TPD52L1: variants seen among roughly 807,000 people sequenced by gnomAD.
TPD52L1 encodes tumor protein D53.
A neutral mutation model predicts 28.7 loss-of-function variants in TPD52L1; 18 were observed. The ratio of observed to expected loss-of-function variants is 0.63; its 90% CI spans 0.43 to 0.93. The LOEUF (loss-of-function observed/expected upper bound fraction) is 0.93, where lower values mean the gene tolerates loss of function less well. Ranked by LOEUF, TPD52L1 falls within the 40% of genes least tolerant of loss-of-function variation. The pLI is 0.00. For missense variants in TPD52L1, 203 were observed against 254.8 expected, an observed-to-expected ratio of 0.80 and a Z score of 1.39; for synonymous variants, 75 against 88.8, an observed-to-expected ratio of 0.84 and a Z score of 0.88.
chr6:125,260,946 AAG>A lies in TPD52L1; in HGVS notation c.487-1886_487-1885del, dbSNP rs1491536536. On this transcript the variant is annotated intron_variant, in intron 6 of 6. Transcript: ENST00000534000. ...GAAGAAAGAAAGAAAGAAAGAAAGA[AAG>A]AAAGAAAGAAAGAAAGAAAGAAAGA... The A allele has an allele frequency of 1.4e-3, 54 of 38,716 alleles. 2 individuals are homozygous for A. The East Asian group carries it at 0.034, about 24-fold the overall frequency. The allele number at this position is 38,716 out of a possible 1,614,324, so 2.4% of individuals were successfully genotyped here.
At chr6:125,167,866 A>C (rs1444195471) in intron 1 of TPD52L1, among the ~76,000 whole-genome samples, 4 of 152,108 alleles carry the variant, frequency 2.6e-5, no homozygotes, top group African/African-American at 2.4e-5. Context: ...AAAAAAAAAA[A>C]CAAAAAAATG....
chr6:125,212,086 T>C (rs1205655555), intron 1 of TPD52L1, among the ~76,000 whole-genome samples: 1 of 152,180 alleles, frequency 6.6e-6, no homozygotes, highest in African/African-American at 2.4e-5. Flanking sequence ...TACATGTAGA[T>C]ATTTTGAAGT....
intron 1 of TPD52L1, among the ~76,000 whole-genome samples, chr6:125,186,378 G>T (rs1280345734): frequency 2.6e-5 from 4 of 152,284 alleles, no homozygotes; most frequent in Admixed American, 6.5e-5. Context: ...CTTTATTTAT[G>T]AAAATAGGCC....
intron 3 of TPD52L1, among the ~76,000 whole-genome samples, chr6:125,237,200 G>C (rs867183265): frequency 6.6e-6 from 1 of 152,250 alleles, no homozygotes; most frequent in Middle Eastern, 3.4e-3. Context: ...ATAGTGCAAG[G>C]TTTTGAGCAG....
At chr6:125,172,157 TTTTCTTTCTTTC>T (rs200343475) in intron 1 of TPD52L1, among the ~76,000 whole-genome samples, 1,925 of 53,688 alleles carry the variant, frequency 0.036, 52 homozygotes, top group Non-Finnish European at 0.043. Flanking sequence ...TCTTTCTTTC[TTTTCTTTCTTTC>T]TTTCTTTCTT....
intron 1 of TPD52L1, among the ~76,000 whole-genome samples, chr6:125,206,323 T>A (rs1366993527): frequency 1.3e-5 from 2 of 152,276 alleles, no homozygotes; most frequent in South Asian, 2.1e-4. Flanking sequence ...TAATGCAATT[T>A]GTAATGTCAT....
intron 1 of TPD52L1, among the ~76,000 whole-genome samples, chr6:125,199,650 A>C (rs1793675047): frequency 6.6e-6 from 1 of 152,192 alleles, no homozygotes; most frequent in Admixed American, 6.5e-5. Flanking sequence ...GCACCATTGC[A>C]CTCCAGCCTG....
At chr6:125,166,362 G>A (rs1790899981) in intron 1 of TPD52L1, among the ~76,000 whole-genome samples, 2 of 152,132 alleles carry the variant, frequency 1.3e-5, no homozygotes, top group African/African-American at 2.4e-5. Context: ...ATGGAAAGAT[G>A]GTTTTTCTTC....
chr6:125,164,030 A>G (rs1258582307), intron 1 of TPD52L1, among the ~76,000 whole-genome samples: 2 of 152,204 alleles, frequency 1.3e-5, no homozygotes, highest in Non-Finnish European at 2.9e-5. Context: ...CTAGTTACAC[A>G]ACATTCTCCA....
chr6:125,197,760 G>C (rs1337866496), intron 1 of TPD52L1, among the ~76,000 whole-genome samples: 1 of 152,150 alleles, frequency 6.6e-6, no homozygotes, highest in Admixed American at 6.5e-5. Flanking sequence ...GAGTCTAAAA[G>C]AGGCATCTGG....
chr6:125,221,822 CTT>C (rs769584290), intron 2 of TPD52L1: 1 of 152,330 alleles, frequency 6.6e-6, no homozygotes, highest in South Asian at 2.1e-4. Context: ...ACACCAGACT[CTT>C]TGTTACTGTG....
At chr6:125,246,344 C>G (rs1583008137) in intron 3 of TPD52L1, among the ~76,000 whole-genome samples, 4 of 152,106 alleles carry the variant, frequency 2.6e-5, no homozygotes, top group South Asian at 4.1e-4. Context: ...CAGTGGTGTG[C>G]CACTCCTTTC....
At chr6:125,239,483 T>C (rs1367630642) in intron 3 of TPD52L1, among the ~76,000 whole-genome samples, 1 of 152,156 alleles carries the variant, frequency 6.6e-6, no homozygotes, top group African/African-American at 2.4e-5. Context: ...GGGAACCCCT[T>C]ATAAAACCAT....
intron 6 of TPD52L1, 22 bp downstream of exon 6, chr6:125,257,180 T>G: frequency 6.2e-7 from 1 of 1,601,598 alleles, no homozygotes. Flanking sequence ...GTGAATTCTG[T>G]GTGAGTGGGT....
At chr6:125,254,258 G>T (rs74555091) in intron 5 of TPD52L1, among the ~76,000 whole-genome samples, 4 of 152,162 alleles carry the variant, frequency 2.6e-5, no homozygotes, top group Non-Finnish European at 5.9e-5. Flanking sequence ...TAAAATGTCA[G>T]TATAATTACT....
intron 1 of TPD52L1, among the ~76,000 whole-genome samples, chr6:125,184,911 T>C (rs1471915678): frequency 6.6e-6 from 1 of 152,194 alleles, no homozygotes; most frequent in South Asian, 2.1e-4. Flanking sequence ...AAATACCCCA[T>C]GTAAAGAAAG....
intron 1 of TPD52L1, chr6:125,214,594 A>T (rs1794735364): frequency 4.4e-6 from 1 of 228,492 alleles, no homozygotes; most frequent in Non-Finnish European, 7.2e-6. Context: ...TTTTTTCTGC[A>T]TATCTCTTTT....
intron 1 of TPD52L1, among the ~76,000 whole-genome samples, chr6:125,197,477 A>G (rs974508985): frequency 1.3e-5 from 2 of 152,058 alleles, no homozygotes; most frequent in South Asian, 4.1e-4. Context: ...TTCTTTTTCT[A>G]CCAGGAGAAT....
intron 1 of TPD52L1, among the ~76,000 whole-genome samples, chr6:125,158,074 T>C (rs913749763): frequency 9.9e-5 from 15 of 152,144 alleles, no homozygotes; most frequent in Admixed American, 2.0e-4. Context: ...CAAACCTCCC[T>C]CTGCCTCTCT....
Sources: gnomAD v4.1 joint callset for allele counts (sites outside exome capture counted in the v4.1 genomes callset) on GRCh38, gnomAD v4.1.1 for gene constraint, MANE v1.5 for transcripts, NCBI Gene and HGNC (gene_info 2026-07-23, HGNC 2026-07-21) for gene names.